ALPK1: variants seen among roughly 807,000 people sequenced by gnomAD.
ALPK1 encodes the protein alpha kinase 1, also known as alpha-protein kinase 1.
A neutral mutation model predicts 120.6 loss-of-function variants in ALPK1; 110 were observed. The observed-to-expected ratio is 0.91, with a 90% CI of 0.78 to 1.07. The LOEUF (loss-of-function observed/expected upper bound fraction) is 1.07. Among genes scored for constraint, ALPK1 ranks in the 50% least tolerant of loss-of-function variants. The probability of loss-of-function intolerance (pLI) is 0.00; values close to 1 mark genes in which losing one functional copy is unlikely to be tolerated. For synonymous variants in ALPK1, 582 were observed against 560.3 expected (o/e 1.04, Z -0.55); for missense variants, 1,498 against 1,483.9 (o/e 1.01, Z -0.16).
intron 11 of ALPK1, among the ~76,000 whole-genome samples, chr4:112,433,633 A>G (rs1390803890): frequency 6.6e-6 from 1 of 152,232 alleles, no homozygotes; most frequent in Non-Finnish European, 1.5e-5. Context: ...AGTGGTAGAG[A>G]AGCTGGGAGG....
chr4:112,378,607 T>G (rs1046067241), intron 3 of ALPK1, among the ~76,000 whole-genome samples: 1 of 152,208 alleles, frequency 6.6e-6, no homozygotes, highest in Non-Finnish European at 1.5e-5. Flanking sequence ...GATTTCTTTT[T>G]AGCATTTGAA....
intron 2 of ALPK1, chr4:112,357,006 G>T: frequency 1.7e-5 from 13 of 781,500 alleles, no homozygotes; most frequent in Non-Finnish European, 1.2e-5. Flanking sequence ...GCACAGCAGG[G>T]CCAGCCCCAA....
chr4:112,350,273 T>TA (rs1212408012), intron 2 of ALPK1, among the ~76,000 whole-genome samples: 2 of 152,232 alleles, frequency 1.3e-5, no homozygotes, highest in Non-Finnish European at 2.9e-5. Context: ...AAATTATAAA[T>TA]ACAGATTTTA....
chr4:112,353,535 G>A (rs989437169), intron 2 of ALPK1, among the ~76,000 whole-genome samples: 1 of 152,108 alleles, frequency 6.6e-6, no homozygotes, highest in Admixed American at 6.5e-5. Flanking sequence ...GACTGTTCTT[G>A]ATGATTGTTA....
chr4:112,308,088 T>C (rs1487188354), intron 1 of ALPK1, among the ~76,000 whole-genome samples: 2 of 152,138 alleles, frequency 1.3e-5, no homozygotes, highest in African/African-American at 4.8e-5. Flanking sequence ...CACTCTCTTC[T>C]GGCTTGTAGA....
intron 2 of ALPK1, among the ~76,000 whole-genome samples, chr4:112,351,620 C>A (rs189736055): frequency 1.3e-5 from 2 of 151,988 alleles, no homozygotes; most frequent in East Asian, 3.9e-4. Context: ...ATTACAAGCA[C>A]GCGCCACCAT....
At chr4:112,403,154 C>T (rs888402341) in intron 4 of ALPK1, among the ~76,000 whole-genome samples, 3 of 152,130 alleles carry the variant, frequency 2.0e-5, no homozygotes, top group Non-Finnish European at 4.4e-5. Context: ...TTCCCTACCA[C>T]ACAGTTTGGC....
chr4:112,404,150 T>G (rs1404336543), intron 4 of ALPK1, among the ~76,000 whole-genome samples: 1 of 152,136 alleles, frequency 6.6e-6, no homozygotes, highest in Non-Finnish European at 1.5e-5. Flanking sequence ...TTGAAAAAAA[T>G]GAGAGGTTTA....
At chr4:112,392,026 A>G (rs894096058) in intron 4 of ALPK1, among the ~76,000 whole-genome samples, 1 of 152,228 alleles carries the variant, frequency 6.6e-6, no homozygotes, top group Non-Finnish European at 1.5e-5. Flanking sequence ...TTCTAAAAGG[A>G]AAAGAAGAAT....
chr4:112,311,232 C>T lies in ALPK1; in HGVS notation c.-152-4569C>T, dbSNP rs181850222. ...TAAGGAAGCAGCCCCCTTCCCCCAC[C>T]CTAAATGACACTCTCATCTGTTCAC... On this transcript the variant is annotated intron_variant, in intron 1 of 15. Coordinates refer to ENST00000650871, the MANE Select transcript of ALPK1 (RefSeq NM_025144.4). 7.0e-3 allele frequency among the ~76,000 whole-genome samples: 1,072 copies of T among 152,210 alleles called. 6 individuals are homozygous for T. Among genetic ancestry groups the T allele is most frequent in the Non-Finnish European group, 0.012 (845 of 68,004 alleles).
At chr4:112,413,986 G>T (rs999461658) in intron 5 of ALPK1, among the ~76,000 whole-genome samples, 7 of 152,184 alleles carry the variant, frequency 4.6e-5, no homozygotes, top group Admixed American at 2.0e-4. Flanking sequence ...AAGTCTTCTT[G>T]TGTAAACGTC....
chr4:112,423,877 G>A (rs1013335065), intron 5 of ALPK1, 67 bp from the exon 6 acceptor site: 36 of 1,513,206 alleles, frequency 2.4e-5, no homozygotes, highest in Non-Finnish European at 2.3e-5. Flanking sequence ...CTTAGAACAT[G>A]AACAACTTGT....
chr4:112,437,567 G>T (rs1382344657), intron 12 of ALPK1, among the ~76,000 whole-genome samples: 1 of 152,170 alleles, frequency 6.6e-6, no homozygotes, highest in African/African-American at 2.4e-5. Flanking sequence ...AGGTCTTGCG[G>T]TCTCTCCATA....
At position 112,441,075 on chromosome 4, in the gene ALPK1, T is replaced by C; in HGVS notation, c.3697T>C (p.Ser1233Pro). 6.2e-7 allele frequency: 1 copy of C among 1,613,962 alleles called. No individual in the cohort carries two copies. Among genetic ancestry groups the C allele is most frequent in the Non-Finnish European group, 8.5e-7 (1 of 1,179,868 alleles). The change falls in exon 15 of 16, where the codon TCT becomes CCT. Residue 1233 changes from serine to proline, a missense_variant. Transcript: ENST00000650871. ...ATGTAATGAAATCTGCCATCGTCTT[T>C]CTTTGACTAGACCTTCAATGGAGAA... ...VECNEICHRL[S>P]LTRPSMEKPC...
In ALPK1 at chr4:112,438,495, A is replaced by G. The variant is rs772901934; in HGVS notation, c.3200A>G (p.Lys1067Arg). ...QEEILGRYVG[K>R]DYKEQKGLWH... is the part of the protein sequence containing the mutation. ...TTCTTTGTTCATAGGTATGTTGGGA[A>G]AGACTATAAGGAGCAGAAGGGGCTC... The change falls in exon 13 of 16, where the codon AAA (lysine) becomes AGA (arginine). Residue 1067 changes from lysine to arginine, a missense_variant. Transcript: ENST00000650871. The G allele has an allele frequency of 1.1e-5, 17 of 1,613,318 alleles. No homozygotes were observed. The highest frequency in any genetic ancestry group is 1.4e-5 in the Non-Finnish European group (16 of 1,179,572).
intron 1 of ALPK1, among the ~76,000 whole-genome samples, chr4:112,298,226 A>G (rs1382020329): frequency 6.6e-6 from 1 of 151,960 alleles, no homozygotes; most frequent in Non-Finnish European, 1.5e-5. Context: ...GCCACAATAT[A>G]ATAGCATCTC....
rs1389635462 is a variant in ALPK1, at chr4:112,338,138, T to C, written c.-101+22286T>C. Among the ~76,000 whole-genome samples, 7 of 152,256 alleles carry C rather than the reference T, an allele frequency of 4.6e-5. No individual in the cohort carries two copies. The South Asian group carries it at 1.4e-3, about 32-fold the overall frequency. On this transcript the variant is annotated intron_variant, in intron 2 of 15. Transcript: ENST00000650871. ...CACGCCACCATGCCCAGCTAATTTT[T>C]GTATTTTTAGTAGAGACGGGGTTTT... is the stretch of plus-strand genomic sequence containing the variant.
intron 4 of ALPK1, among the ~76,000 whole-genome samples, chr4:112,394,271 C>T (rs1732555250): frequency 6.6e-6 from 1 of 152,196 alleles, no homozygotes; most frequent in Non-Finnish European, 1.5e-5. Context: ...GCCCCATAGC[C>T]TGCCCCTCTG....
intron 1 of ALPK1, 94 bp from the exon 2 acceptor site, chr4:112,315,707 C>T (rs1185542599): frequency 6.6e-6 from 1 of 152,226 alleles, no homozygotes; most frequent in Non-Finnish European, 1.5e-5. Context: ...GAATAGCAAG[C>T]ATGCAACAAT....
Sources: gnomAD v4.1 joint callset for allele counts (sites outside exome capture counted in the v4.1 genomes callset) on GRCh38, gnomAD v4.1.1 for gene constraint, MANE v1.5 for transcripts, NCBI Gene and HGNC (gene_info 2026-07-23, HGNC 2026-07-21) for gene names.